Variants in DCC observed in about 807,000 individuals in gnomAD.
The protein encoded by DCC is netrin receptor DCC.
DCC carries 58 observed loss-of-function variants against 172.5 expected under a neutral mutation model. The ratio of observed to expected loss-of-function variants is 0.34; its 90% CI spans 0.27 to 0.42. The LOEUF is 0.42. DCC is among the 10% of genes least tolerant of loss of function. The pLI, the probability that DCC is intolerant of heterozygous loss-of-function variation, is 1.00. For synonymous variants in DCC, 709 were observed against 644.5 expected (o/e 1.10, Z -1.52); for missense variants, 1,740 against 1,791.0 (o/e 0.97, Z 0.51).
intron 23 of DCC, among the ~76,000 whole-genome samples, chr18:53,453,360 C>G (rs985146363): frequency 2.2e-4 from 34 of 152,268 alleles, no homozygotes; most frequent in African/African-American, 8.2e-4. Context: ...CCCTCCAAAG[C>G]TCTTAGAAAA....
chr18:52,623,508 C>A (rs531604737), intron 1 of DCC, among the ~76,000 whole-genome samples: 7 of 152,208 alleles, frequency 4.6e-5, no homozygotes, highest in African/African-American at 1.4e-4. Context: ...TTATAATTGT[C>A]TATTTATTGC....
At chr18:52,469,038 T>G (rs892576784) in intron 1 of DCC, among the ~76,000 whole-genome samples, 384 of 30,944 alleles carry the variant, frequency 0.012, no homozygotes, top group Non-Finnish European at 0.017. Flanking sequence ...TTGATTTATT[T>G]ATTTATTTAT....
At chr18:52,414,601 G>T (rs1986954192) in intron 1 of DCC, among the ~76,000 whole-genome samples, 1 of 152,112 alleles carries the variant, frequency 6.6e-6, no homozygotes, top group Non-Finnish European at 1.5e-5. Context: ...TGCATTAACT[G>T]CATAGACAGC....
At chr18:52,545,338 C>A (rs1269077045) in intron 1 of DCC, among the ~76,000 whole-genome samples, 1 of 152,172 alleles carries the variant, frequency 6.6e-6, no homozygotes, top group African/African-American at 2.4e-5. Flanking sequence ...CTTTTGCCTG[C>A]CCTGATGCTT....
chr18:53,200,155 A>G (rs1189633974), intron 9 of DCC, among the ~76,000 whole-genome samples: 1 of 152,198 alleles, frequency 6.6e-6, no homozygotes, highest in Non-Finnish European at 1.5e-5. Context: ...AGTGCAAATT[A>G]TGGTACTTAC....
At chr18:53,048,487 GTT>G (rs1423932709) in intron 5 of DCC, among the ~76,000 whole-genome samples, 2 of 104,660 alleles carry the variant, frequency 1.9e-5, no homozygotes, top group Admixed American at 9.2e-5. Flanking sequence ...ATACTCCATG[GTT>G]TGTGTGTGTG....
chr18:53,088,277 G>A (rs8087771), intron 7 of DCC, among the ~76,000 whole-genome samples: 3,112 of 152,078 alleles, frequency 0.02, 122 homozygotes, highest in African/African-American at 0.071. Context: ...CTTTGATTTT[G>A]TTGAGCAGTG....
intron 15 of DCC, among the ~76,000 whole-genome samples, chr18:53,362,458 C>T (rs1380433462): frequency 2.0e-5 from 3 of 152,190 alleles, no homozygotes; most frequent in African/African-American, 7.2e-5. Flanking sequence ...TGTTGTTGGT[C>T]AAGTTACTTA....
chr18:53,198,632 A>T (rs919263510), intron 9 of DCC, among the ~76,000 whole-genome samples: 1 of 152,186 alleles, frequency 6.6e-6, no homozygotes, highest in Non-Finnish European at 1.5e-5. Flanking sequence ...ATATATAGTC[A>T]GAAATTACTG....
At chr18:52,370,272 G>A (rs1258200456) in intron 1 of DCC, among the ~76,000 whole-genome samples, 1 of 152,170 alleles carries the variant, frequency 6.6e-6, no homozygotes, top group Non-Finnish European at 1.5e-5. Context: ...AAAGATAAAT[G>A]CATGTGTATA....
chr18:53,237,817 G>A (rs1245506749), intron 12 of DCC, among the ~76,000 whole-genome samples: 3 of 151,922 alleles, frequency 2.0e-5, no homozygotes, highest in African/African-American at 4.8e-5. Flanking sequence ...CTGACAAACC[G>A]AGCTGCTGGC....
intron 21 of DCC, among the ~76,000 whole-genome samples, chr18:53,420,764 G>T (rs1435999329): frequency 6.6e-6 from 1 of 152,132 alleles, no homozygotes; most frequent in African/African-American, 2.4e-5. Flanking sequence ...GGGGGTTAGA[G>T]ATTCAATATA....
chr18:53,153,831 G>C (rs1466071122), intron 7 of DCC, among the ~76,000 whole-genome samples: 1 of 152,078 alleles, frequency 6.6e-6, no homozygotes, highest in African/African-American at 2.4e-5. Context: ...CTCAGCATGA[G>C]GAGAACATAC....
intron 7 of DCC, among the ~76,000 whole-genome samples, chr18:53,116,101 C>T (rs1362649172): frequency 6.6e-6 from 1 of 151,540 alleles, no homozygotes; most frequent in East Asian, 2.0e-4. Flanking sequence ...AGTAAAATGT[C>T]AAAATGGAGC....
At chr18:53,503,265 T>G (rs1331657547) in intron 27 of DCC, among the ~76,000 whole-genome samples, 1 of 152,252 alleles carries the variant, frequency 6.6e-6, no homozygotes, top group African/African-American at 2.4e-5. Context: ...TCATAACGAC[T>G]GAAATTCTGC....
chr18:52,651,414 C>T (rs1395637096), intron 1 of DCC, among the ~76,000 whole-genome samples: 1 of 152,052 alleles, frequency 6.6e-6, no homozygotes, highest in Non-Finnish European at 1.5e-5. Flanking sequence ...AACCCCTGGG[C>T]TCAAGCGATC....
intron 22 of DCC, among the ~76,000 whole-genome samples, chr18:53,446,306 T>C (rs1268679172): frequency 6.6e-6 from 1 of 151,852 alleles, no homozygotes; most frequent in Non-Finnish European, 1.5e-5. Flanking sequence ...AAAAAACACA[T>C]TGAGCCACAT....
intron 9 of DCC, among the ~76,000 whole-genome samples, chr18:53,186,325 G>T (rs555735294): frequency 2.6e-5 from 4 of 152,328 alleles, no homozygotes; most frequent in Admixed American, 2.6e-4. Flanking sequence ...AAGTAGATCT[G>T]ATTTGGGTTT....
chr18:52,917,937 A>G (rs1174997958), intron 3 of DCC, among the ~76,000 whole-genome samples: 1 of 152,262 alleles, frequency 6.6e-6, no homozygotes, highest in African/African-American at 2.4e-5. Flanking sequence ...TTAAAGAGGT[A>G]TGCTTTTGTA....
Sources: allele counts gnomAD v4.1 joint callset (sites outside exome capture counted in the v4.1 genomes callset), GRCh38; gene constraint gnomAD v4.1.1; transcripts MANE v1.5; gene names NCBI Gene and HGNC (gene_info 2026-07-23, HGNC 2026-07-21).